Variants in RAB7A observed in about 807,000 individuals in gnomAD.
RAB7A encodes the protein ras-related protein Rab-7a.
Under a neutral mutation model 24.5 loss-of-function variants are expected in RAB7A, and 2 were observed. The ratio of observed to expected loss-of-function variants is 0.08; its 90% CI spans 0.03 to 0.26. RAB7A has a LOEUF of 0.26. Ranked by LOEUF, RAB7A falls within the 10% of genes least tolerant of loss-of-function variation. RAB7A has a pLI of 1.00. For missense variants in RAB7A, 118 were observed against 255.7 expected (o/e 0.46, Z 3.67); for synonymous variants, 100 against 95.9 (o/e 1.04, Z -0.25).
chr3:128,811,862 G>A (rs978678755), intron 5 of RAB7A, among the ~76,000 whole-genome samples: 2 of 149,142 alleles, frequency 1.3e-5, no homozygotes, highest in Non-Finnish European at 1.5e-5. Context: ...AAAAAAAAAA[G>A]AAAGAAATCA....
Position 128,727,050 on chromosome 3 carries a change from C to G in RAB7A, c.-9+691C>G, listed in dbSNP as rs547884219. On this transcript the variant is annotated intron_variant, in intron 1 of 5. Transcript: ENST00000265062. The stretch of plus-strand genomic sequence containing the variant: ...TGTAGAGTTGTGTTTCCATTCCGAC[C>G]GTGTTTGGGGCCTCTTTCTGCATTC... Among the ~76,000 whole-genome samples the G allele has an allele frequency of 3.3e-5, 5 of 152,320 alleles. No individual in the cohort carries two copies. The South Asian group carries it at 6.2e-4, about 19-fold the overall frequency.
chr3:128,772,741 C>T (rs780266577), intron 1 of RAB7A, among the ~76,000 whole-genome samples: 6 of 152,234 alleles, frequency 3.9e-5, no homozygotes, highest in South Asian at 2.1e-4. Flanking sequence ...AGGCGCGGGC[C>T]GCCACGCCTA....
At chr3:128,750,636 G>A (rs2070671754) in intron 1 of RAB7A, among the ~76,000 whole-genome samples, 1 of 152,190 alleles carries the variant, frequency 6.6e-6, no homozygotes, top group African/African-American at 2.4e-5. Context: ...AGTTTTATAA[G>A]GGAAGCAGAG....
chr3:128,730,793 C>G (rs2070428991), intron 1 of RAB7A, among the ~76,000 whole-genome samples: 1 of 152,180 alleles, frequency 6.6e-6, no homozygotes, highest in Non-Finnish European at 1.5e-5. Context: ...CTTGAAGATG[C>G]AGTACTTAAC....
At chr3:128,810,966 AT>A (rs1933912000) in intron 5 of RAB7A, among the ~76,000 whole-genome samples, 1 of 151,936 alleles carries the variant, frequency 6.6e-6, no homozygotes, top group Non-Finnish European at 1.5e-5. Flanking sequence ...AGGCAGGAGA[AT>A]TGCTTGAACC....
At chr3:128,798,394 G>A (rs1356274749) in intron 3 of RAB7A, 6 of 326,292 alleles carry the variant, frequency 1.8e-5, no homozygotes, top group South Asian at 1.6e-4. Flanking sequence ...TCTGTCTTGT[G>A]CCTCTCTTGA....
At chr3:128,789,001 G>T (rs1933396961) in intron 1 of RAB7A, among the ~76,000 whole-genome samples, 1 of 152,294 alleles carries the variant, frequency 6.6e-6, no homozygotes, top group South Asian at 2.1e-4. Flanking sequence ...AGAAAGAATT[G>T]TTTCATCGTT....
chr3:128,745,425 A>G (rs527763886), intron 1 of RAB7A, among the ~76,000 whole-genome samples: 1 of 151,908 alleles, frequency 6.6e-6, no homozygotes, highest in Non-Finnish European at 1.5e-5. Context: ...GTGCAGTGGC[A>G]TGATCTCAGC....
chr3:128,793,628 T>TA (rs1488940134), intron 1 of RAB7A, among the ~76,000 whole-genome samples: 1 of 152,194 alleles, frequency 6.6e-6, no homozygotes, highest in Non-Finnish European at 1.5e-5. Flanking sequence ...GTGTGACATT[T>TA]AAACTTTGAC....
At position 128,813,802 on chromosome 3, in the gene RAB7A, T is replaced by G. The variant is rs1195966759; in HGVS notation, c.*380T>G. ...GGAGAGAGAGAGAACTGTTTACAGT[T>G]AATCTGTGTCTAATTATCTGATTTT... is the stretch of plus-strand genomic sequence containing the variant. On this transcript the variant is annotated 3_prime_UTR_variant, in exon 6 of 6. Coordinates refer to ENST00000265062, the MANE Select transcript of RAB7A (RefSeq NM_004637.6). 1.0e-4 allele frequency: 32 copies of G among 316,762 alleles called. No homozygotes were observed. In the East Asian group the frequency reaches 2.5e-3, roughly 25 times the overall value. The allele number at this position is 316,762 out of a possible 1,614,324, so 19.6% of individuals were successfully genotyped here.
At chr3:128,762,741 C>T (rs1416473022) in intron 1 of RAB7A, among the ~76,000 whole-genome samples, 1 of 152,178 alleles carries the variant, frequency 6.6e-6, no homozygotes, top group African/African-American at 2.4e-5. Flanking sequence ...GATTAGGATC[C>T]AGTGAGAGCT....
At chr3:128,727,521 C>G (rs1258754366) in intron 1 of RAB7A, among the ~76,000 whole-genome samples, 1 of 152,162 alleles carries the variant, frequency 6.6e-6, no homozygotes, top group Non-Finnish European at 1.5e-5. Flanking sequence ...TAAGAAATGC[C>G]GTTTGCGACT....
intron 1 of RAB7A, among the ~76,000 whole-genome samples, chr3:128,793,508 A>G (rs994888099): frequency 2.6e-5 from 4 of 151,118 alleles, no homozygotes; most frequent in Non-Finnish European, 1.5e-5. Context: ...CTGGTCTCGA[A>G]CTCCTGACCT....
Position 128,808,615 on chromosome 3 carries a change from T to TAC in RAB7A, c.528+946_528+947dup, listed in dbSNP as rs549890790. Among the ~76,000 whole-genome samples the TAC allele has an allele frequency of 9.1e-4, 138 of 152,332 alleles. 1 individual carries two copies. Among genetic ancestry groups the TAC allele is most frequent in the African/African-American group, 3.2e-3 (131 of 41,578 alleles). ...CTTATTTACTGTTTCTGTGATTAGA[T>TAC]ACAACCACTCATGCGAGTTGAAAGT... is the stretch of plus-strand genomic sequence containing the variant. On this transcript the variant is annotated intron_variant, in intron 5 of 5. Transcript: ENST00000265062.
chr3:128,746,000 A>C (rs2070610584), intron 1 of RAB7A, among the ~76,000 whole-genome samples: 1 of 152,226 alleles, frequency 6.6e-6, no homozygotes, highest in African/African-American at 2.4e-5. Flanking sequence ...CTGTATTGTC[A>C]GGATCCATGG....
chr3:128,808,181 A>AC (rs1933846222), intron 5 of RAB7A, among the ~76,000 whole-genome samples: 2 of 151,712 alleles, frequency 1.3e-5, no homozygotes, highest in African/African-American at 4.8e-5. Flanking sequence ...ACATGGTGAA[A>AC]CCCCCTCTCC....
intron 1 of RAB7A, among the ~76,000 whole-genome samples, chr3:128,784,445 C>T (rs1219692721): frequency 1.3e-5 from 2 of 152,136 alleles, no homozygotes; most frequent in Non-Finnish European, 2.9e-5. Context: ...CTGAAGGTGG[C>T]GCAGCATCCT....
At chr3:128,741,134 T>C (rs1009583313) in intron 1 of RAB7A, among the ~76,000 whole-genome samples, 2 of 152,120 alleles carry the variant, frequency 1.3e-5, no homozygotes, top group East Asian at 3.8e-4. Flanking sequence ...TTGGCTTTTG[T>C]TCTCTAAAGC....
intron 1 of RAB7A, among the ~76,000 whole-genome samples, chr3:128,740,335 G>A (rs1001325450): frequency 1.3e-5 from 2 of 151,602 alleles, no homozygotes; most frequent in African/African-American, 4.8e-5. Context: ...GAGCCGAGAT[G>A]GCGCCACTGC....
Sources: gnomAD v4.1 joint callset for allele counts (sites outside exome capture counted in the v4.1 genomes callset) on GRCh38, gnomAD v4.1.1 for gene constraint, MANE v1.5 for transcripts, NCBI Gene and HGNC (gene_info 2026-07-23, HGNC 2026-07-21) for gene names.